CCDC7: variants seen among roughly 807,000 people sequenced by gnomAD.
CCDC7 encodes the protein coiled-coil domain-containing protein 7.
A neutral mutation model predicts 196.9 loss-of-function variants in CCDC7; 183 were observed. The ratio of observed to expected loss-of-function variants is 0.93; its 90% CI spans 0.82 to 1.05. The LOEUF (loss-of-function observed/expected upper bound fraction) is 1.05. CCDC7 is among the 50% of genes least tolerant of loss of function. The pLI, the probability that CCDC7 is intolerant of heterozygous loss-of-function variation, is 0.00. For missense variants in CCDC7, 1,540 were observed against 1,482.2 expected (o/e 1.04, Z -0.64); for synonymous variants, 525 against 484.6 (o/e 1.08, Z -1.10).
At chr10:32,597,164 A>G (rs1040357884) in intron 18 of CCDC7, among the ~76,000 whole-genome samples, 2 of 152,178 alleles carry the variant, frequency 1.3e-5, no homozygotes, top group African/African-American at 2.4e-5. Context: ...AGGTACACCA[A>G]TCAGACTTAG....
Position 32,726,729 on chromosome 10 carries a change from T to TGTA in CCDC7, c.2570-1_2571dup, listed in dbSNP as rs896767724. 6.6e-7 allele frequency: 1 copy of TGTA among 1,522,046 alleles called. No homozygotes were observed. The highest frequency in any genetic ancestry group is 1.4e-5 in the African/African-American group (1 of 72,550). 94.3% of individuals were successfully genotyped at this position (1,522,046 alleles called of 1,614,324 possible). On this transcript the variant is annotated splice_polypyrimidine_tract_variant and splice_region_variant and intron_variant, in intron 25 of 41. Transcript: ENST00000639629. ...ATGTATCTCTTTATGTGGTTCATTT[T>TGTA]GTAGTACCAGATAAAAATTCTATGT...
At chr10:32,678,786 T>C (rs2075412497) in intron 21 of CCDC7, among the ~76,000 whole-genome samples, 1 of 152,118 alleles carries the variant, frequency 6.6e-6, no homozygotes, top group African/African-American at 2.4e-5. Flanking sequence ...GTGACATGAG[T>C]AGAGATGAAA....
intron 39 of CCDC7, among the ~76,000 whole-genome samples, chr10:32,850,020 A>G (rs1470531456): frequency 6.6e-6 from 1 of 151,916 alleles, no homozygotes; most frequent in Non-Finnish European, 1.5e-5. Context: ...CAAATGGTGG[A>G]AAAAAATGCA....
At chr10:32,601,071 G>A (rs2060947627) in intron 18 of CCDC7, among the ~76,000 whole-genome samples, 1 of 152,068 alleles carries the variant, frequency 6.6e-6, no homozygotes, top group Non-Finnish European at 1.5e-5. Context: ...TGAGAAATTG[G>A]TAGTTTATCT....
intron 20 of CCDC7, among the ~76,000 whole-genome samples, chr10:32,640,379 C>G (rs1046516003): frequency 2.0e-5 from 3 of 152,034 alleles, no homozygotes; most frequent in African/African-American, 7.2e-5. Context: ...TCCTCCATCC[C>G]TTTATTTTGA....
At chr10:32,519,793 G>C (rs951373787) in intron 11 of CCDC7, among the ~76,000 whole-genome samples, 1 of 151,918 alleles carries the variant, frequency 6.6e-6, no homozygotes, top group African/African-American at 2.4e-5. Flanking sequence ...TTGTCCCCCT[G>C]TTGTGCTATC....
At chr10:32,452,001 G>A in intron 1 of CCDC7, 80 bp downstream of exon 2, 2 of 1,480,668 alleles carry the variant, frequency 1.4e-6, no homozygotes, top group Non-Finnish European at 1.8e-6. Flanking sequence ...GGACTCACAT[G>A]ACTCCACATA....
chr10:32,631,940 G>A (rs2064927069), intron 18 of CCDC7, among the ~76,000 whole-genome samples: 1 of 151,810 alleles, frequency 6.6e-6, no homozygotes, highest in Non-Finnish European at 1.5e-5. Context: ...CTAGTATATA[G>A]AAATACAATT....
upstream of CCDC7, among the ~76,000 whole-genome samples, chr10:32,448,915 C>G (rs1192952647): frequency 6.6e-6 from 1 of 151,878 alleles, no homozygotes; most frequent in African/African-American, 2.4e-5. Context: ...TGCTGCTGAT[C>G]TTTGCATTAT....
Position 32,488,343 on chromosome 10 carries a change from A to G in CCDC7, c.797-3579A>G, listed in dbSNP as rs965225668. Among the ~76,000 whole-genome samples, 106 of 152,322 alleles carry G rather than the reference A, an allele frequency of 7.0e-4. 1 individual carries two copies. In the Middle Eastern group the frequency reaches 0.014, roughly 20 times the overall value. On this transcript the variant is annotated intron_variant, in intron 8 of 41. Transcript: ENST00000639629. ...GCTAAGACCATTGGAAAAGCGCGGT[A>G]TTAGGGTGGGAGTGACCTGTTTTTC...
chr10:32,583,858 TATA>T (rs1237102516), intron 17 of CCDC7, among the ~76,000 whole-genome samples: 1 of 152,072 alleles, frequency 6.6e-6, no homozygotes, highest in Non-Finnish European at 1.5e-5. Flanking sequence ...AAAGTATTCC[TATA>T]ATAATAATTT....
intron 41 of CCDC7, among the ~76,000 whole-genome samples, chr10:32,856,517 G>A (rs1217932320): frequency 6.6e-6 from 1 of 152,062 alleles, no homozygotes; most frequent in African/African-American, 2.4e-5. Flanking sequence ...TTGCTGAGGT[G>A]CCCCACCTCC....
chr10:32,729,835 A>G (rs2083656531), intron 28 of CCDC7, among the ~76,000 whole-genome samples: 1 of 152,098 alleles, frequency 6.6e-6, no homozygotes, highest in African/African-American at 2.4e-5. Context: ...GTTTTCCTTA[A>G]TAACTACTTT....
At chr10:32,600,974 G>T (rs1262105608) in intron 18 of CCDC7, among the ~76,000 whole-genome samples, 1 of 152,056 alleles carries the variant, frequency 6.6e-6, no homozygotes, top group African/African-American at 2.4e-5. Flanking sequence ...GGACAGCTTT[G>T]CCAGGTATAG....
chr10:32,708,770 GAT>G (rs1206030748), intron 24 of CCDC7, among the ~76,000 whole-genome samples: 1 of 152,178 alleles, frequency 6.6e-6, no homozygotes, highest in African/African-American at 2.4e-5. Flanking sequence ...ACCACAATGA[GAT>G]ACCATCTCAC....
intron 28 of CCDC7, among the ~76,000 whole-genome samples, chr10:32,730,541 T>C (rs900472042): frequency 2.6e-5 from 4 of 151,916 alleles, no homozygotes; most frequent in Non-Finnish European, 2.9e-5. Context: ...ATGTTTATAG[T>C]AGTAAATAAA....
chr10:32,575,672 T>C (rs1350554045), intron 16 of CCDC7, among the ~76,000 whole-genome samples: 2 of 152,156 alleles, frequency 1.3e-5, no homozygotes, highest in Non-Finnish European at 2.9e-5. Flanking sequence ...CCAATGTAGC[T>C]GGTATCAGTG....
intron 13 of CCDC7, among the ~76,000 whole-genome samples, chr10:32,545,393 C>T (rs1444971237): frequency 6.6e-6 from 1 of 152,102 alleles, no homozygotes; most frequent in African/African-American, 2.4e-5. Flanking sequence ...TAGTTAAGAA[C>T]CAAGGAGTTA....
At chr10:32,513,675 G>A (rs576058097) in intron 9 of CCDC7, 1 of 152,210 alleles carries the variant, frequency 6.6e-6, no homozygotes, top group African/African-American at 2.4e-5. Context: ...ATTTATTTTA[G>A]GAATGCAAGG....
Sources: allele counts gnomAD v4.1 joint callset (sites outside exome capture counted in the v4.1 genomes callset), GRCh38; gene constraint gnomAD v4.1.1; transcripts MANE v1.5; gene names NCBI Gene and HGNC (gene_info 2026-07-23, HGNC 2026-07-21).